Variants in SOS2 observed in about 807,000 individuals in gnomAD.
The protein encoded by SOS2 is son of sevenless homolog 2.
Under a neutral mutation model 148.2 loss-of-function variants are expected in SOS2, and 65 were observed. That is an observed-to-expected ratio of 0.44 (90% CI 0.36 to 0.54). The LOEUF (loss-of-function observed/expected upper bound fraction) is 0.54, where lower values mean the gene tolerates loss of function less well. SOS2 is among the 20% of genes least tolerant of loss of function. The pLI, the probability that SOS2 is intolerant of heterozygous loss-of-function variation, is 0.00. For missense variants in SOS2, 1,341 were observed against 1,590.2 expected (o/e 0.84, Z 2.67); for synonymous variants, 539 against 537.1 (o/e 1.00, Z -0.05).
intron 4 of SOS2, 69 bp from the exon 5 acceptor site, chr14:50,188,769 T>C (rs1170532243): frequency 2.9e-6 from 3 of 1,043,464 alleles, no homozygotes; most frequent in South Asian, 2.9e-5. Flanking sequence ...CTCAAAGTAC[T>C]TGAAATCTAT....
intron 12 of SOS2, chr14:50,156,102 G>C (rs1158561748): frequency 6.6e-6 from 1 of 151,928 alleles, no homozygotes; most frequent in Admixed American, 6.6e-5. Flanking sequence ...AGTAATCAAG[G>C]AAACTTGAAA....
chr14:50,199,543 C>A, intron 4 of SOS2, 148 bp downstream of exon 4: 1 of 429,232 alleles, frequency 2.3e-6, no homozygotes, highest in Non-Finnish European at 4.1e-6. Flanking sequence ...CTGGAAATAT[C>A]ACGGTTACTC....
intron 16 of SOS2, among the ~76,000 whole-genome samples, chr14:50,140,996 G>A (rs1266319165): frequency 2.7e-5 from 4 of 150,552 alleles, no homozygotes; most frequent in African/African-American, 7.3e-5. Flanking sequence ...TGAGGTCAGG[G>A]GATCAAGACC....
intron 18 of SOS2, among the ~76,000 whole-genome samples, chr14:50,137,294 A>C (rs1418037076): frequency 6.6e-6 from 1 of 152,322 alleles, no homozygotes; most frequent in Non-Finnish European, 1.5e-5. Context: ...CCAGGCATAC[A>C]TATACCACTT....
chr14:50,201,222 A>AT, intron 2 of SOS2, 138 bp from the exon 3 acceptor site: 1 of 837,596 alleles, frequency 1.2e-6, no homozygotes, highest in South Asian at 2.0e-5. Context: ...CCTGTAATAA[A>AT]TAAATTTTTT....
Position 50,176,101 on chromosome 14 carries a change from C to T in SOS2, c.970-1549G>A, listed in dbSNP as rs114808469. ...GATATGAGGGCAGAGCCCCTGTGAA[C>T]GGGGTTAGTGCCCTTATAAAAGGGG... On this transcript the variant is annotated intron_variant, in intron 7 of 22. Coordinates refer to ENST00000216373, the MANE Select transcript of SOS2 (RefSeq NM_006939.4). Among the ~76,000 whole-genome samples the T allele has an allele frequency of 6.3e-3, 967 of 152,290 alleles. 13 individuals are homozygous for T. The highest frequency in any genetic ancestry group is 0.022 in the African/African-American group (903 of 41,546).
chr14:50,125,966 A>G (rs1172767443), intron 21 of SOS2, among the ~76,000 whole-genome samples: 1 of 152,240 alleles, frequency 6.6e-6, no homozygotes, highest in Non-Finnish European at 1.5e-5. Flanking sequence ...ATTCTTAGAG[A>G]AAATGCCTAC....
Position 50,193,249 on chromosome 14 carries a change from C to T in SOS2, c.511-4549G>A, listed in dbSNP as rs1278779535. Among the ~76,000 whole-genome samples the T allele has an allele frequency of 1.4e-3, 212 of 151,866 alleles. 2 individuals are homozygous for T. The highest frequency in any genetic ancestry group is 3.1e-4 in the Non-Finnish European group (21 of 67,970). ...TAGAGATGATGTCTTGCTATGCTACCCAGGCTGGTCTCAAACTCCTGGGCT... is the reference window on the plus strand; with the variant it reads ...TAGAGATGATGTCTTGCTATGCTACTCAGGCTGGTCTCAAACTCCTGGGCT... On this transcript the variant is annotated intron_variant, in intron 4 of 22. Coordinates refer to ENST00000216373, the MANE Select transcript of SOS2 (RefSeq NM_006939.4).
At chr14:50,141,033 T>C (rs1164323031) in intron 16 of SOS2, among the ~76,000 whole-genome samples, 1 of 149,168 alleles carries the variant, frequency 6.7e-6, no homozygotes, top group Non-Finnish European at 1.5e-5. Context: ...TGAAACCCCG[T>C]CTCTACTAAA....
At chr14:50,138,922 A>T (rs895575677) in intron 17 of SOS2, 138 bp from the exon 18 acceptor site, 5 of 378,114 alleles carry the variant, frequency 1.3e-5, no homozygotes, top group Non-Finnish European at 1.4e-5. Context: ...TAAAATGTTA[A>T]GTCTCTGATA....
intron 1 of SOS2, among the ~76,000 whole-genome samples, chr14:50,223,387 A>C (rs974030462): frequency 7.9e-5 from 12 of 151,982 alleles, no homozygotes; most frequent in East Asian, 3.9e-4. Flanking sequence ...GTTTTTTAAA[A>C]ATTGGGGCTG....
chr14:50,150,192 T>A lies in SOS2; in HGVS notation c.2200A>T (p.Ile734Phe). The A allele has an allele frequency of 6.2e-7, 1 of 1,613,314 alleles. No individual in the cohort carries two copies. The highest frequency in any genetic ancestry group is 8.5e-7 in the Non-Finnish European group (1 of 1,179,278). The change falls in exon 14 of 23, where the codon ATC becomes TTC. Residue 734 changes from isoleucine to phenylalanine, a missense_variant. By Grantham distance (21) the Ile-to-Phe change is conservative. This residue lies in a region of SOS2 where 408 missense variants were observed against 506.6 expected (regional missense o/e 0.81). Coordinates refer to ENST00000216373, the MANE Select transcript of SOS2 (RefSeq NM_006939.4). Reference sequence around the variant, plus strand: ...TGAGCTTGCTTCTTCCTCCTGATGATCTTAGCAATTGACTCTACCCATTTT... The same window carrying A: ...TGAGCTTGCTTCTTCCTCCTGATGAACTTAGCAATTGACTCTACCCATTTT... ...MKKWVESIAK[I>F]IRRKKQAQAN...
chr14:50,120,931 G>A (rs1369659163), intron 21 of SOS2, among the ~76,000 whole-genome samples: 1 of 151,782 alleles, frequency 6.6e-6, no homozygotes, highest in African/African-American at 2.4e-5. Context: ...GTAGAGACAG[G>A]GTTTCACCAT....
chr14:50,213,772 G>C (rs79158141), intron 1 of SOS2, among the ~76,000 whole-genome samples: 5 of 151,882 alleles, frequency 3.3e-5, no homozygotes, highest in Admixed American at 2.6e-4. Flanking sequence ...TTGAAGTGGG[G>C]GAAGAGAAAG....
rs1407189478 is a variant in SOS2 at position 50,117,763 on chromosome 14, T to G, written c.*581A>C. The G allele has an allele frequency of 6.6e-6, 1 of 152,174 alleles. No homozygotes were observed. Among genetic ancestry groups the G allele is most frequent in the Non-Finnish European group, 1.5e-5 (1 of 68,072 alleles). The allele number at this position is 152,174 out of a possible 1,614,324, so 9.4% of individuals were successfully genotyped here. A position where few individuals can be genotyped will look rare whatever the true frequency, so the allele number is the denominator to read the frequency against. On this transcript the variant is annotated 3_prime_UTR_variant, in exon 23 of 23. Transcript: ENST00000216373. ...ACATTTTGACAAAATAATAAACACT[T>G]ACAGTGCCATTCTATTATTTTCATC... is the stretch of plus-strand genomic sequence containing the variant.
In SOS2 at chr14:50,122,632, CTCT is replaced by C. The variant is rs570934069; in HGVS notation, c.3380-2251_3380-2249del. On this transcript the variant is annotated intron_variant, in intron 21 of 22. Transcript: ENST00000216373. ...GTGAATGATGGGAAAGCTATGAGAG[CTCT>C]GAATCTGGGTCTGACTCTACAGTCA... 1.6e-3 allele frequency among the ~76,000 whole-genome samples: 241 copies of C among 152,186 alleles called. 3 individuals carry two copies. The highest frequency in any genetic ancestry group is 5.4e-3 in the African/African-American group (223 of 41,496).
chr14:50,145,932 C>T (rs1018263328), intron 14 of SOS2, among the ~76,000 whole-genome samples: 5 of 151,400 alleles, frequency 3.3e-5, no homozygotes, highest in East Asian at 2.0e-4. Flanking sequence ...GTCAGGAGTT[C>T]GAGACCAGCC....
Position 50,159,624 on chromosome 14 carries a change from A to T in SOS2, c.1659T>A (p.Asp553Glu). The T allele has an allele frequency of 6.2e-7, 1 of 1,613,842 alleles. No individual in the cohort carries two copies. The highest frequency in any genetic ancestry group is 1.1e-5 in the South Asian group (1 of 91,074). ...HYRSTLDRML[D>E]SVLLKEENEQ... ...CATTTTCTTCTTTCAATAATACTGA[A>T]TCTAACATTCGATCTAGAGTACTAC... Residue 553 changes from aspartate to glutamate, a missense_variant, in exon 10 of 23, where the codon GAT becomes GAA. Around this residue, in one of 4 missense-constraint regions of SOS2, gnomAD observed 574 missense variants for 711.1 expected, o/e 0.81. Coordinates refer to ENST00000216373, the MANE Select transcript of SOS2 (RefSeq NM_006939.4).
At chr14:50,175,397 G>A (rs928765073) in intron 7 of SOS2, among the ~76,000 whole-genome samples, 5 of 147,262 alleles carry the variant, frequency 3.4e-5, no homozygotes, top group Non-Finnish European at 6.0e-5. Context: ...CTTTTGCTTG[G>A]TACTCAGTGA....
Sources: gnomAD v4.1 joint callset for allele counts (sites outside exome capture counted in the v4.1 genomes callset) on GRCh38, gnomAD v4.1.1 for gene constraint, gnomAD v4.1.1 regional missense constraint, MANE v1.5 for transcripts, NCBI Gene and HGNC (gene_info 2026-07-23, HGNC 2026-07-21) for gene names.